Variants in AGBL4 observed in about 807,000 individuals in gnomAD.
AGBL4 encodes the protein AGBL carboxypeptidase 4.
AGBL4 carries 58 observed loss-of-function variants against 66.4 expected under a neutral mutation model. The observed-to-expected ratio is 0.87, with a 90% CI of 0.71 to 1.09. AGBL4 has a LOEUF of 1.09. Ranked by LOEUF, AGBL4 falls within the 50% of genes least tolerant of loss-of-function variation. The probability of loss-of-function intolerance (pLI) is 0.00; values close to 1 mark genes in which losing one functional copy is unlikely to be tolerated. For missense variants in AGBL4, 579 were observed against 631.0 expected, an observed-to-expected ratio of 0.92 and a Z score of 0.88; for synonymous variants, 234 against 222.9, an observed-to-expected ratio of 1.05 and a Z score of -0.44.
intron 2 of AGBL4, chr1:49,844,765 A>G: frequency 1.3e-6 from 2 of 1,588,720 alleles, no homozygotes; most frequent in Non-Finnish European, 1.7e-6. Context: ...CAACAATGTC[A>G]TCTTGGTAGA....
intron 2 of AGBL4, chr1:49,842,436 C>T (rs1646020424): frequency 1.2e-6 from 1 of 853,120 alleles, no homozygotes; most frequent in East Asian, 8.6e-5. Flanking sequence ...CATGCTTGCT[C>T]CCTGGTTTCT....
At chr1:48,844,459 A>T (rs1047308930) in intron 6 of AGBL4, among the ~76,000 whole-genome samples, 1 of 152,210 alleles carries the variant, frequency 6.6e-6, no homozygotes, top group African/African-American at 2.4e-5. Flanking sequence ...GACACCAGTG[A>T]TTACTATGTT....
the AGBL4 span, among the ~76,000 whole-genome samples, chr1:48,526,084 G>T: frequency 2.6e-5 from 4 of 152,130 alleles, no homozygotes; most frequent in African/African-American, 9.7e-5. Context: ...GGACATATGG[G>T]GACATCCAGT....
chr1:48,703,736 T>C (rs545214344), intron 6 of AGBL4, among the ~76,000 whole-genome samples: 1 of 152,298 alleles, frequency 6.6e-6, no homozygotes, highest in African/African-American at 2.4e-5. Context: ...AACCCATCTC[T>C]GAATTTTCCT....
At chr1:49,720,913 G>A (rs946416000) in intron 2 of AGBL4, among the ~76,000 whole-genome samples, 3 of 152,094 alleles carry the variant, frequency 2.0e-5, no homozygotes, top group African/African-American at 7.2e-5. Context: ...TATGTCAAAC[G>A]AAAGAAGGCA....
chr1:48,897,198 C>A (rs1651602805), intron 5 of AGBL4, among the ~76,000 whole-genome samples: 1 of 152,086 alleles, frequency 6.6e-6, no homozygotes, highest in Admixed American at 6.5e-5. Flanking sequence ...ATCATGAAAT[C>A]CACATTTTTA....
At chr1:48,611,342 G>A (rs763186052) in intron 9 of AGBL4, among the ~76,000 whole-genome samples, 12 of 152,072 alleles carry the variant, frequency 7.9e-5, no homozygotes, top group South Asian at 4.1e-4. Flanking sequence ...AAGACTCTTC[G>A]GGGAGGGTCA....
intron 4 of AGBL4, among the ~76,000 whole-genome samples, chr1:49,064,013 G>T (rs1644448533): frequency 6.6e-6 from 1 of 152,148 alleles, no homozygotes. Flanking sequence ...GCAATGTTGG[G>T]CAAGTGACTT....
chr1:48,722,685 T>C (rs983392937), intron 6 of AGBL4, among the ~76,000 whole-genome samples: 6 of 152,174 alleles, frequency 3.9e-5, no homozygotes, highest in African/African-American at 1.4e-4. Flanking sequence ...CCTCACCACA[T>C]ACTGTCAATA....
chr1:49,941,053 A>C (rs1271224348), intron 1 of AGBL4, among the ~76,000 whole-genome samples: 1 of 152,148 alleles, frequency 6.6e-6, no homozygotes, highest in South Asian at 2.1e-4. Flanking sequence ...GAGCCAACAA[A>C]TTGGATAATG....
chr1:49,179,164 T>C (rs1646883312), intron 4 of AGBL4, among the ~76,000 whole-genome samples: 1 of 152,154 alleles, frequency 6.6e-6, no homozygotes, highest in Non-Finnish European at 1.5e-5. Flanking sequence ...ACCAATCTGG[T>C]TGCAGTATTA....
rs571829405 is a variant in AGBL4 at position 49,530,544 on chromosome 1, T to C, written c.282+166769A>G. Among the ~76,000 whole-genome samples the C allele has an allele frequency of 1.6e-4, 24 of 152,030 alleles. 1 individual carries two copies. Among genetic ancestry groups the C allele is most frequent in the Non-Finnish European group, 2.8e-4 (19 of 67,970 alleles). On this transcript the variant is annotated intron_variant, in intron 3 of 13. Transcript: ENST00000371839. ...ACTTCCAGTTCAGTTTTCATTTAAG[T>C]ATATCCCAGCCACCTCTCTGAAATA...
intron 9 of AGBL4, among the ~76,000 whole-genome samples, chr1:48,632,432 G>A (rs1407729744): frequency 6.6e-6 from 1 of 152,148 alleles, no homozygotes. Flanking sequence ...ATGGTATGCC[G>A]AAGCCTTTTC....
chr1:49,668,980 G>A (rs568778919), intron 3 of AGBL4, among the ~76,000 whole-genome samples: 4 of 152,100 alleles, frequency 2.6e-5, no homozygotes, highest in South Asian at 4.1e-4. Flanking sequence ...ATTTGTGCAG[G>A]AAATCTATGA....
At chr1:49,106,934 C>T (rs1645303843) in intron 4 of AGBL4, among the ~76,000 whole-genome samples, 1 of 152,110 alleles carries the variant, frequency 6.6e-6, no homozygotes, top group Non-Finnish European at 1.5e-5. Flanking sequence ...AAGGGAACTT[C>T]CCTTTTTTGG....
intron 3 of AGBL4, among the ~76,000 whole-genome samples, chr1:49,285,820 C>A (rs1262643963): frequency 6.6e-6 from 1 of 152,126 alleles, no homozygotes; most frequent in Non-Finnish European, 1.5e-5. Flanking sequence ...TGAAACTATT[C>A]CAATCAATAG....
intron 4 of AGBL4, among the ~76,000 whole-genome samples, chr1:49,095,043 GACAA>G (rs1645069816): frequency 1.3e-5 from 2 of 152,034 alleles, no homozygotes; most frequent in South Asian, 2.1e-4. Context: ...ACCAATAACA[GACAA>G]ACAGAGAGCC....
At chr1:48,573,800 GTAA>G (rs927362007) in intron 11 of AGBL4, among the ~76,000 whole-genome samples, 3 of 152,034 alleles carry the variant, frequency 2.0e-5, no homozygotes, top group African/African-American at 7.2e-5. Flanking sequence ...TACTTGGCTA[GTAA>G]TAATAATAAT....
chr1:49,521,165 C>T (rs1650232516), intron 3 of AGBL4, among the ~76,000 whole-genome samples: 1 of 151,922 alleles, frequency 6.6e-6, no homozygotes, highest in African/African-American at 2.4e-5. Flanking sequence ...TTTACAATTG[C>T]CATCAAGAAA....
Sources: gnomAD v4.1 joint callset for allele counts (sites outside exome capture counted in the v4.1 genomes callset) on GRCh38, gnomAD v4.1.1 for gene constraint, MANE v1.5 for transcripts, NCBI Gene and HGNC (gene_info 2026-07-23, HGNC 2026-07-21) for gene names.